Variants in PAOX observed in about 807,000 individuals in gnomAD.
PAOX encodes the protein peroxisomal N(1)-acetyl-spermine/spermidine oxidase.
PAOX carries 38 observed loss-of-function variants against 39.0 expected under a neutral mutation model. The observed-to-expected ratio is 0.97, with a 90% CI of 0.75 to 1.28. The LOEUF is 1.28. PAOX is among the 50% of genes most tolerant of loss of function. PAOX has a pLI of 0.00. For missense variants in PAOX, 667 were observed against 685.7 expected (o/e 0.97, Z 0.30); for synonymous variants, 311 against 314.4 (o/e 0.99, Z 0.11).
intron 4 of PAOX, among the ~76,000 whole-genome samples, chr10:133,387,301 T>G (rs1390566054): frequency 6.6e-6 from 1 of 152,086 alleles, no homozygotes; most frequent in Non-Finnish European, 1.5e-5. Flanking sequence ...TATATATATA[T>G]TGGTTCATGT....
In PAOX at chr10:133,391,349, C is replaced by T. The variant is rs189365053; in HGVS notation, c.1430C>T (p.Thr477Met). 9.3e-6 allele frequency: 15 copies of T among 1,613,510 alleles called. No individual in the cohort carries two copies. The highest frequency in any genetic ancestry group is 5.5e-5 in the South Asian group (5 of 91,076). Residue 477 changes from threonine (T) to methionine (M), a missense_variant, in exon 7 of 7, where the codon ACG becomes ATG. Thr to Met is a moderately conservative substitution (Grantham distance 81). Transcript: ENST00000278060. ...ILFAGEATHR[T>M]FYSTTHGALL... ...TTTGCGGGGGAAGCCACACATCGCA[C>T]GTTTTACTCCACGACGCACGGGGCT...
chr10:133,391,124 G>A (rs1307679561), intron 6 of PAOX, 188 bp from the exon 7 acceptor site: 17 of 710,450 alleles, frequency 2.4e-5, no homozygotes, highest in Non-Finnish European at 3.6e-5. Flanking sequence ...GCCCGTTGGT[G>A]GATGTGTGTG....
At chr10:133,388,591 G>T (rs1212659918) in intron 4 of PAOX, among the ~76,000 whole-genome samples, 1 of 152,236 alleles carries the variant, frequency 6.6e-6, no homozygotes, top group African/African-American at 2.4e-5. Context: ...TCTTGCTCAG[G>T]TGCAAATGTC....
At chr10:133,390,162 A>G (rs953135492) in intron 6 of PAOX, among the ~76,000 whole-genome samples, 3 of 152,080 alleles carry the variant, frequency 2.0e-5, no homozygotes, top group Non-Finnish European at 4.4e-5. Flanking sequence ...GGCTTCCCCT[A>G]AGCCAAGCTT....
chr10:133,388,012 T>C (rs1849572709), intron 4 of PAOX, among the ~76,000 whole-genome samples: 1 of 152,174 alleles, frequency 6.6e-6, no homozygotes, highest in Non-Finnish European at 1.5e-5. Flanking sequence ...CCACTGTGCC[T>C]GGCCCTCCAC....
chr10:133,379,422 T>C lies in PAOX; in HGVS notation c.106T>C (p.Ser36Pro), dbSNP rs1004473431. 4.9e-6 allele frequency: 6 copies of C among 1,223,514 alleles called. No homozygotes were observed. The African/African-American group carries it at 6.3e-5, about 13-fold the overall frequency. The allele number at this position is 1,223,514 out of a possible 1,614,324, so 75.8% of individuals were successfully genotyped here. A position where few individuals can be genotyped will look rare whatever the true frequency, so the allele number is the denominator to read the frequency against. ...CGCGGCGCAGAGGCTCTGCGGCCAC[T>C]CCGCCTTCCCGCACCTGCGGGTCCT... ...LGAAQRLCGH[S>P]AFPHLRVLEA... The change falls in exon 1 of 7, where the codon TCC becomes CCC. Residue 36 changes from serine (S) to proline (P), a missense_variant. Ser to Pro is a moderately conservative substitution (Grantham distance 74). Coordinates refer to ENST00000278060, the MANE Select transcript of PAOX (RefSeq NM_152911.4).
In PAOX at chr10:133,381,679, C is replaced by G. The variant is rs1398103570; in HGVS notation, c.868+20C>G. 3 of 1,610,860 alleles carry G rather than the reference C, an allele frequency of 1.9e-6. No individual in the cohort carries two copies. The highest frequency in any genetic ancestry group is 1.3e-5 in the African/African-American group (1 of 74,870). On this transcript the variant is annotated intron_variant, in intron 3 of 6. Coordinates refer to ENST00000278060, the MANE Select transcript of PAOX (RefSeq NM_152911.4). ...CCTTAGGTAGGTCAGGTTTTCAGCC[C>G]AAACCCCCATCCCAAGTGCCCCCGC...
chr10:133,386,674 A>C (rs1383752502), intron 4 of PAOX, among the ~76,000 whole-genome samples: 3 of 151,844 alleles, frequency 2.0e-5, no homozygotes, highest in Non-Finnish European at 4.4e-5. Flanking sequence ...GGGTTTCTCC[A>C]TGTTGGTCAG....
intron 4 of PAOX, among the ~76,000 whole-genome samples, chr10:133,386,460 G>A (rs1849534509): frequency 6.6e-6 from 1 of 152,174 alleles, no homozygotes; most frequent in African/African-American, 2.4e-5. Flanking sequence ...TGGATATGTG[G>A]TTGGAAGAAG....
chr10:133,390,147 C>T (rs1027806034), intron 6 of PAOX, among the ~76,000 whole-genome samples: 2 of 152,226 alleles, frequency 1.3e-5, no homozygotes, highest in Admixed American at 1.3e-4. Flanking sequence ...TTTCAGTGCC[C>T]ACCAGGCTTC....
chr10:133,382,912 C>T (rs1029855708), intron 3 of PAOX: 1 of 152,000 alleles, frequency 6.6e-6, no homozygotes, highest in Admixed American at 6.5e-5. Flanking sequence ...TTGTTTCCCT[C>T]CAGTGGCTTT....
chr10:133,389,772 G>A (rs1849627166), intron 6 of PAOX, 25 bp downstream of exon 6: 1 of 1,448,346 alleles, frequency 6.9e-7, no homozygotes, highest in Non-Finnish European at 9.1e-7. Context: ...CCAGTCGGGG[G>A]GCGTGGGTCC....
At chr10:133,388,417 C>T (rs1232292049) in intron 4 of PAOX, among the ~76,000 whole-genome samples, 4 of 152,198 alleles carry the variant, frequency 2.6e-5, no homozygotes, top group Non-Finnish European at 5.9e-5. Flanking sequence ...AGGATAATGG[C>T]CTCCAGCTCC....
At chr10:133,389,769 G>C (rs375839476) in intron 6 of PAOX, 22 bp downstream of exon 6, 113 of 1,454,412 alleles carry the variant, frequency 7.8e-5, no homozygotes, top group Middle Eastern at 2.2e-4. Flanking sequence ...GCCCCAGTCG[G>C]GGGGCGTGGG....
chr10:133,385,524 G>A (rs575701120), intron 4 of PAOX, among the ~76,000 whole-genome samples: 7 of 152,228 alleles, frequency 4.6e-5, no homozygotes, highest in African/African-American at 1.7e-4. Context: ...AAAGGGTTGG[G>A]GATCTCAAAG....
intron 6 of PAOX, among the ~76,000 whole-genome samples, chr10:133,390,488 TCAGGCTTGGGCC>T (rs1432718790): frequency 5.9e-5 from 9 of 151,898 alleles, no homozygotes; most frequent in Non-Finnish European, 1.3e-4. Flanking sequence ...TCCCAGCTGC[TCAGGCTTGGGCC>T]CAGGAAGTTG....
Position 133,384,822 on chromosome 10 carries a change from A to G in PAOX, c.1121+610A>G, listed in dbSNP as rs1287528012. Among the ~76,000 whole-genome samples, 1 of 152,222 alleles carries G rather than the reference A, an allele frequency of 6.6e-6. No homozygotes were observed. The highest frequency in any genetic ancestry group is 2.1e-4 in the South Asian group (1 of 4,824). ...AATAATTCCACGTTTCCACTGAGAG[A>G]TGCCGCAGGAGGGGGCACCAAGTTC... On this transcript the variant is annotated intron_variant, in intron 4 of 6. Transcript: ENST00000278060. This position sits in a 1 kb window ranked among gnomAD's most constrained non-coding sequence, Gnocchi z 4.3.
In PAOX at chr10:133,380,213, T is replaced by C. The variant is rs570652971; in HGVS notation, c.396T>C (p.Thr132=). 323 of 1,612,848 alleles carry C rather than the reference T, an allele frequency of 2.0e-4. No homozygotes were observed. The highest frequency in any genetic ancestry group is 2.5e-4 in the Non-Finnish European group (292 of 1,179,974). ...TCCAGCTGGTGGCGGAGATGGCGAC[T>C]CTGTTCTACGGCCTGATAGACCAGA... ...VSLQLVAEMA[T]LFYGLIDQTR... Residue 132 remains threonine (T), a synonymous_variant, in exon 2 of 7, where the codon ACT becomes ACC. Coordinates refer to ENST00000278060, the MANE Select transcript of PAOX (RefSeq NM_152911.4).
At position 133,384,051 on chromosome 10, in the gene PAOX, C is replaced by G. The variant is rs200195267; in HGVS notation, c.960C>G (p.Asn320Lys). ...TCAGGAAGATAGGCTTTGGGACCAA[C>G]AACAAAATCTTCCTGGAGTTTGAGG... is the stretch of plus-strand genomic sequence containing the variant. ...EAIRKIGFGT[N>K]NKIFLEFEEP... is the part of the protein sequence containing the mutation. Residue 320 changes from asparagine (N) to lysine (K), a missense_variant, in exon 4 of 7, where the codon AAC becomes AAG. Coordinates refer to ENST00000278060, the MANE Select transcript of PAOX (RefSeq NM_152911.4). This position sits in a 1 kb window ranked among gnomAD's most constrained non-coding sequence, Gnocchi z 4.3. 1.5e-5 allele frequency: 24 copies of G among 1,614,078 alleles called. No homozygotes were observed. Among genetic ancestry groups the G allele is most frequent in the Non-Finnish European group, 1.9e-5 (22 of 1,180,034 alleles).
Sources: allele counts gnomAD v4.1 joint callset (sites outside exome capture counted in the v4.1 genomes callset), GRCh38; gene constraint gnomAD v4.1.1; non-coding constraint Gnocchi (gnomAD v3.1); transcripts MANE v1.5; gene names NCBI Gene and HGNC (gene_info 2026-07-23, HGNC 2026-07-21).